FAM167A: variants seen among roughly 807,000 people sequenced by gnomAD.
FAM167A encodes family with sequence similarity 167 member A, also known as protein FAM167A.
FAM167A carries 23 observed loss-of-function variants against 14.9 expected under a neutral mutation model. The ratio of observed to expected loss-of-function variants is 1.55; its 90% CI spans 1.11 to 2.19. FAM167A has a LOEUF of 2.19. FAM167A is among the 30% of genes most tolerant of loss of function. FAM167A has a pLI of 0.00. For missense variants in FAM167A, 401 were observed against 281.5 expected (o/e 1.42, Z -3.04); for synonymous variants, 174 against 117.7 (o/e 1.48, Z -3.10).
chr8:11,426,455 C>CAAAG (rs1207767679), intron 2 of FAM167A, among the ~76,000 whole-genome samples: 1 of 152,160 alleles, frequency 6.6e-6, no homozygotes. Flanking sequence ...CTTCTGTTAA[C>CAAAG]AAAGAGATGT....
At chr8:11,457,325 T>C (rs894914380) in intron 1 of FAM167A, among the ~76,000 whole-genome samples, 2 of 151,954 alleles carry the variant, frequency 1.3e-5, no homozygotes, top group African/African-American at 4.8e-5. Context: ...CTGCACACCC[T>C]TGTGAGAACT....
chr8:11,466,477 C>T (rs1441836402), intron 1 of FAM167A, 149 bp downstream of exon 1: 3 of 145,220 alleles, frequency 2.1e-5, no homozygotes, highest in African/African-American at 2.7e-5. Context: ...AGGAGCGCGT[C>T]CCCTCCAGGG....
At chr8:11,439,147 C>T (rs531715733) in intron 2 of FAM167A, among the ~76,000 whole-genome samples, 11 of 152,344 alleles carry the variant, frequency 7.2e-5, no homozygotes, top group African/African-American at 2.4e-4. Context: ...TTGGCCAAGT[C>T]GCTTTAAACT....
At chr8:11,435,342 G>A (rs1359968278) in intron 2 of FAM167A, among the ~76,000 whole-genome samples, 2 of 152,222 alleles carry the variant, frequency 1.3e-5, no homozygotes. Flanking sequence ...CCCACGTGTT[G>A]GGCATTGGTT....
At chr8:11,473,837 G>GT (rs935621370) in intron 1 of FAM167A, among the ~76,000 whole-genome samples, 8 of 151,892 alleles carry the variant, frequency 5.3e-5, no homozygotes, top group South Asian at 2.1e-4. Context: ...GGGAATGGTG[G>GT]TTTTTTTGTT....
chr8:11,430,015 A>AC (rs1327884093), intron 2 of FAM167A, among the ~76,000 whole-genome samples: 1 of 152,014 alleles, frequency 6.6e-6, no homozygotes, highest in Non-Finnish European at 1.5e-5. Flanking sequence ...CCCAGCAAGG[A>AC]CCTCCCAGTT....
At chr8:11,433,556 C>G (rs892009472) in intron 2 of FAM167A, among the ~76,000 whole-genome samples, 3 of 152,194 alleles carry the variant, frequency 2.0e-5, no homozygotes, top group African/African-American at 4.8e-5. Context: ...ATCTTTAAAG[C>G]TGGCTTGAGA....
chr8:11,429,882 G>A (rs548584967), intron 2 of FAM167A, among the ~76,000 whole-genome samples: 1 of 152,350 alleles, frequency 6.6e-6, no homozygotes, highest in African/African-American at 2.4e-5. Context: ...TCTAAGGACA[G>A]TGAGAATGAA....
At chr8:11,435,411 C>T (rs1585242887) in intron 2 of FAM167A, among the ~76,000 whole-genome samples, 1 of 152,232 alleles carries the variant, frequency 6.6e-6, no homozygotes. Flanking sequence ...AGACTGGGGC[C>T]ACCACAGTGC....
chr8:11,427,211 G>C (rs1461935504), intron 2 of FAM167A, among the ~76,000 whole-genome samples: 1 of 152,082 alleles, frequency 6.6e-6, no homozygotes, highest in African/African-American at 2.4e-5. Flanking sequence ...AACCTTGATG[G>C]GCCTCACAGC....
At chr8:11,437,301 C>T (rs2001462) in intron 2 of FAM167A, among the ~76,000 whole-genome samples, 20,145 of 152,190 alleles carry the variant, frequency 0.13, 1,876 homozygotes, top group Non-Finnish European at 0.21. Context: ...GGAAAGATTG[C>T]TGTGGCTACT....
In FAM167A at chr8:11,424,695, A is replaced by G; in HGVS notation, c.382-59T>C. 5 of 1,592,918 alleles carry G rather than the reference A, an allele frequency of 3.1e-6. No homozygotes were observed. The South Asian group carries it at 5.6e-5, about 18-fold the overall frequency. Reference sequence around the variant, plus strand: ...AGAGTGGCTCGAGTCCCTGACAGGCACAGACTGGTTAGCAGGGCCCTGACT... The same window carrying G: ...AGAGTGGCTCGAGTCCCTGACAGGCGCAGACTGGTTAGCAGGGCCCTGACT... On this transcript the variant is annotated intron_variant, in intron 2 of 2. Transcript: ENST00000284486.
Position 11,456,392 on chromosome 8 carries a change from T to TGAGTGTGG in FAM167A, c.-398+10233_-398+10234insCCACACTC, listed in dbSNP as rs143216488. Among the ~76,000 whole-genome samples, 4 of 120,604 alleles carry TGAGTGTGG rather than the reference T, an allele frequency of 3.3e-5. 1 individual carries two copies. Among genetic ancestry groups the TGAGTGTGG allele is most frequent in the Non-Finnish European group, 5.1e-5 (3 of 58,728 alleles). The allele number at this position is 120,604 out of a possible 152,430, so 79.1% of individuals were successfully genotyped here. On this transcript the variant is annotated intron_variant, in intron 1 of 2. Coordinates refer to ENST00000284486, the MANE Select transcript of FAM167A (RefSeq NM_053279.3). ...TGGGGTGGTTGCCCTGCCTGGTGTGTGTGTGAGTGTGGGGGGTGGTTGCCT... is the reference window on the plus strand; with the variant it reads ...TGGGGTGGTTGCCCTGCCTGGTGTGTGAGTGTGGGTGTGAGTGTGGGGGGTGGTTGCCT...
chr8:11,442,076 G>A (rs569567571), intron 2 of FAM167A, among the ~76,000 whole-genome samples: 2 of 152,336 alleles, frequency 1.3e-5, no homozygotes, highest in African/African-American at 4.8e-5. Flanking sequence ...GACAGCCTTT[G>A]GTAGTCAGAT....
rs1411486775 is a variant in FAM167A, at chr8:11,444,445, G to T, written c.-34C>A. On this transcript the variant is annotated 5_prime_UTR_variant, in exon 2 of 3. Transcript: ENST00000284486. ...CTGCCCTGGCAGCCGGACATGCGAG[G>T]GCACGGGGGGCGCAGGGGGAGGCTT... The T allele has an allele frequency of 1.1e-5, 16 of 1,514,178 alleles. No homozygotes were observed. The highest frequency in any genetic ancestry group is 1.3e-5 in the Non-Finnish European group (15 of 1,132,336). 93.8% of individuals were successfully genotyped at this position (1,514,178 alleles called of 1,614,324 possible).
intron 2 of FAM167A, among the ~76,000 whole-genome samples, chr8:11,427,126 A>G (rs1805225035): frequency 6.6e-6 from 1 of 152,194 alleles, no homozygotes; most frequent in Non-Finnish European, 1.5e-5. Flanking sequence ...GCTTTGCCTG[A>G]TGCAGTTCCC....
At chr8:11,426,524 A>C (rs991480598) in intron 2 of FAM167A, among the ~76,000 whole-genome samples, 1 of 152,182 alleles carries the variant, frequency 6.6e-6, no homozygotes, top group Non-Finnish European at 1.5e-5. Flanking sequence ...TGTAAACCAA[A>C]AGTGTCTGAG....
Position 11,422,013 on chromosome 8 carries a change from ACCT to A in FAM167A, c.*2357_*2359del, listed in dbSNP as rs1389107503. On this transcript the variant is annotated 3_prime_UTR_variant, in exon 3 of 3. Coordinates refer to ENST00000284486, the MANE Select transcript of FAM167A (RefSeq NM_053279.3). ...CCCCCTCCACTTCTCATCTTGGGTCACCTCCTCATCCCATAATAAAGTTCTCTT... is the reference window on the plus strand; with the variant it reads ...CCCCCTCCACTTCTCATCTTGGGTCACCTCATCCCATAATAAAGTTCTCTT... 1.5e-5 allele frequency: 6 copies of A among 394,882 alleles called. No individual in the cohort carries two copies. The Admixed American group carries it at 2.2e-4, about 15-fold the overall frequency. The allele number at this position is 394,882 out of a possible 1,614,324, so 24.5% of individuals were successfully genotyped here.
At chr8:11,429,277 G>A (rs901863585) in intron 2 of FAM167A, among the ~76,000 whole-genome samples, 2 of 152,210 alleles carry the variant, frequency 1.3e-5, no homozygotes, top group South Asian at 4.1e-4. Context: ...TGGCTAAGAA[G>A]CTTTTTATAA....
Sources: gnomAD v4.1 joint callset for allele counts (sites outside exome capture counted in the v4.1 genomes callset) on GRCh38, gnomAD v4.1.1 for gene constraint, MANE v1.5 for transcripts, NCBI Gene and HGNC (gene_info 2026-07-23, HGNC 2026-07-21) for gene names.